The following TEX10 variants were observed in gnomAD, a reference collection of about 807,000 sequenced individuals.
TEX10 encodes the protein testis-expressed protein 10.
Under a neutral mutation model 104.4 loss-of-function variants are expected in TEX10, and 24 were observed. That is an observed-to-expected ratio of 0.23 (90% confidence interval 0.17 to 0.32). The LOEUF (loss-of-function observed/expected upper bound fraction) is 0.32. TEX10 is among the 10% of genes least tolerant of loss of function. The pLI, the probability that TEX10 is intolerant of heterozygous loss-of-function variation, is 1.00. For missense variants in TEX10, 921 were observed against 1,083.9 expected (o/e 0.85, Z 2.11); for synonymous variants, 396 against 393.4 (o/e 1.01, Z -0.08).
chr9:100,313,293 T>A (rs1312983034), intron 11 of TEX10, among the ~76,000 whole-genome samples: 1 of 152,124 alleles, frequency 6.6e-6, no homozygotes, highest in African/African-American at 2.4e-5. Flanking sequence ...GGCAGGTGGA[T>A]CACCTGAGGT....
At chr9:100,309,866 G>A (rs546007775) in intron 12 of TEX10, among the ~76,000 whole-genome samples, 293 of 152,258 alleles carry the variant, frequency 1.9e-3, no homozygotes, top group Non-Finnish European at 3.3e-3. Context: ...CAGTCTCAGG[G>A]TTGAGTCTAC....
intron 5 of TEX10, among the ~76,000 whole-genome samples, chr9:100,335,191 TTC>T (rs1450490378): frequency 1.3e-5 from 2 of 152,148 alleles, no homozygotes; most frequent in African/African-American, 4.8e-5. Context: ...AAAATATGCG[TTC>T]TCAAGGGTCA....
rs1290595794 is a variant in TEX10 at position 100,347,196 on chromosome 9, C to T, written c.391G>A (p.Ala131Thr). Residue 131 changes from alanine to threonine, a missense_variant, in exon 3 of 15, where the codon GCT becomes ACT. Ala to Thr is a moderately conservative substitution (Grantham distance 58, BLOSUM62 0). Transcript: ENST00000374902. ...GGAAAAAATGGAGAAATTTGTTCAG[C>T]TCGTATTTTGGGGGCCAGGAATTGA... ...LLQFLAPKIR[A>T]EQISPFFPLV... 6.2e-7 allele frequency: 1 copy of T among 1,613,982 alleles called. No individual in the cohort carries two copies. Among genetic ancestry groups the T allele is most frequent in the African/African-American group, 1.3e-5 (1 of 75,032 alleles).
rs1834746153 is a variant in TEX10, at chr9:100,327,807, G to A, written c.1781C>T (p.Ala594Val). The A allele has an allele frequency of 6.3e-7, 1 of 1,590,654 alleles. No homozygotes were observed. Among genetic ancestry groups the A allele is most frequent in the South Asian group, 1.1e-5 (1 of 86,986 alleles). The change falls in exon 8 of 15, where the codon GCT becomes GTT. Residue 594 changes from alanine to valine, a missense_variant. Ala to Val is a moderately conservative substitution (Grantham distance 64). Around this residue, in one of 3 missense-constraint regions of TEX10, gnomAD observed 753 missense variants for 868.4 expected, o/e 0.87. Transcript: ENST00000374902. ...ANKELLKSLQ[A>V]TALRIYDPQE... Reference sequence around the variant, plus strand: ...CTTACCATAAATTCGGAGGGCAGTAGCTTGTAAACTTTTTAGTAATTCTTT... The same window carrying A: ...CTTACCATAAATTCGGAGGGCAGTAACTTGTAAACTTTTTAGTAATTCTTT...
In TEX10 at chr9:100,308,568, A is replaced by G; in HGVS notation, c.2397T>C (p.Ser799=). 6.2e-7 allele frequency: 1 copy of G among 1,613,124 alleles called. No homozygotes were observed. Among genetic ancestry groups the G allele is most frequent in the Non-Finnish European group, 8.5e-7 (1 of 1,179,434 alleles). The change falls in exon 13 of 15, where the codon TCT becomes TCC. Residue 799 remains serine, a synonymous_variant. Transcript: ENST00000374902. ...VSETLLPFLA[S]CCYSLLYFLL... ...GAAAATAAAGAAGACTGTAGCAACA[A>G]GAAGCCAGAAATGGCAGTAGAGTCT... is the stretch of plus-strand genomic sequence containing the variant.
chr9:100,315,955 C>G (rs1834406805), intron 11 of TEX10, among the ~76,000 whole-genome samples: 2 of 152,230 alleles, frequency 1.3e-5, no homozygotes, highest in South Asian at 4.1e-4. Context: ...TCCTGGTAGG[C>G]TTGGAAAGTT....
intron 5 of TEX10, among the ~76,000 whole-genome samples, chr9:100,336,154 T>G (rs1835002617): frequency 6.6e-6 from 1 of 151,906 alleles, no homozygotes; most frequent in South Asian, 2.1e-4. Context: ...GCAACAAGAA[T>G]GAAACTCCAT....
chr9:100,324,102 A>AG (rs1744644125), intron 9 of TEX10, among the ~76,000 whole-genome samples: 1 of 152,042 alleles, frequency 6.6e-6, no homozygotes, highest in Admixed American at 6.6e-5. Flanking sequence ...GCATGATCTC[A>AG]GCTCACTACA....
chr9:100,330,325 C>T (rs10819760), intron 5 of TEX10, among the ~76,000 whole-genome samples, 156 bp from the exon 6 acceptor site: 21,381 of 152,202 alleles, frequency 0.14, 1,578 homozygotes, highest in African/African-American at 0.16. Context: ...ACTTAGGCCA[C>T]AGTTCTATAA....
At chr9:100,306,414 T>C (rs1834145992) in intron 13 of TEX10, 1 of 152,112 alleles carries the variant, frequency 6.6e-6, no homozygotes, top group South Asian at 2.1e-4. Context: ...ACAGTAAAAA[T>C]ATAGATTACT....
intron 11 of TEX10, among the ~76,000 whole-genome samples, chr9:100,319,645 A>C (rs987565334): frequency 6.6e-6 from 1 of 152,004 alleles, no homozygotes; most frequent in East Asian, 1.9e-4. Context: ...TCTCTACTAA[A>C]AATACAAAAA....
chr9:100,318,340 A>G (rs1185166481), intron 11 of TEX10, among the ~76,000 whole-genome samples: 2 of 152,244 alleles, frequency 1.3e-5, no homozygotes, highest in East Asian at 3.8e-4. Context: ...GAAGGCCATT[A>G]TCTTAAGTGA....
intron 11 of TEX10, among the ~76,000 whole-genome samples, chr9:100,313,857 A>AG (rs1834342754): frequency 6.6e-6 from 1 of 151,934 alleles, no homozygotes; most frequent in Non-Finnish European, 1.5e-5. Flanking sequence ...AAAAAAAAAA[A>AG]AAAAAGAGAC....
intron 5 of TEX10, among the ~76,000 whole-genome samples, chr9:100,336,835 A>G (rs17740117): frequency 0.1 from 15,705 of 152,188 alleles, 1,099 homozygotes; most frequent in Non-Finnish European, 0.15. Flanking sequence ...GCTATTTGCT[A>G]AGTATTTAAT....
chr9:100,341,513 A>ATG (rs1835172564), intron 4 of TEX10, among the ~76,000 whole-genome samples: 1 of 48,720 alleles, frequency 2.1e-5, no homozygotes, highest in African/African-American at 1.3e-4. Context: ...TAACACTGGC[A>ATG]TCATCCTTGA....
intron 5 of TEX10, among the ~76,000 whole-genome samples, chr9:100,331,574 G>C (rs954561060): frequency 4.6e-5 from 7 of 152,156 alleles, no homozygotes; most frequent in African/African-American, 1.7e-4. Context: ...CATGAGAAGG[G>C]AAATAAAAGA....
intron 11 of TEX10, among the ~76,000 whole-genome samples, chr9:100,317,622 C>A (rs1336589850): frequency 6.6e-6 from 1 of 151,982 alleles, no homozygotes; most frequent in African/African-American, 2.4e-5. Context: ...ACAAAAACAA[C>A]AATAGACAAA....
intron 9 of TEX10, among the ~76,000 whole-genome samples, chr9:100,322,641 G>C (rs1045250114): frequency 6.6e-6 from 1 of 151,764 alleles, no homozygotes; most frequent in Non-Finnish European, 1.5e-5. Context: ...TGGGGGGATG[G>C]AGTTTCTCTT....
In TEX10 at chr9:100,340,335, A is replaced by G; in HGVS notation, c.1172T>C (p.Phe391Ser). 6.4e-7 allele frequency: 1 copy of G among 1,571,644 alleles called. No individual in the cohort carries two copies. The highest frequency in any genetic ancestry group is 8.6e-7 in the Non-Finnish European group (1 of 1,165,786). The change falls in exon 5 of 15, where the codon TTT (phenylalanine) becomes TCT (serine). Residue 391 changes from phenylalanine (F) to serine (S), a missense_variant. Physicochemically the swap from Phe to Ser is radical, Grantham distance 155. Transcript: ENST00000374902. Reference protein sequence around the residue: ...SWLRKNYLIDFKHHFMSRFPY... With the variant: ...SWLRKNYLIDSKHHFMSRFPY... ...AAAACGACTCATAAAATGGTGTTTA[A>G]AATCAATAAGGTAGTTCTTTCGAAG... is the stretch of plus-strand genomic sequence containing the variant.
Sources: gnomAD v4.1 joint callset for allele counts (sites outside exome capture counted in the v4.1 genomes callset) on GRCh38, gnomAD v4.1.1 for gene constraint, gnomAD v4.1.1 regional missense constraint, MANE v1.5 for transcripts, NCBI Gene and HGNC (gene_info 2026-07-23, HGNC 2026-07-21) for gene names.